The following SBF2 variants were observed in gnomAD, a reference collection of about 807,000 sequenced individuals.
SBF2 encodes SET binding factor 2.
A neutral mutation model predicts 225.2 loss-of-function variants in SBF2; 112 were observed. The observed-to-expected ratio is 0.50, with a 90% CI of 0.43 to 0.58. SBF2 has a LOEUF of 0.58. Among genes scored for constraint, SBF2 ranks in the 20% least tolerant of loss-of-function variants. The pLI is 0.00. For missense variants in SBF2, 1,996 were observed against 2,206.2 expected (o/e 0.90, Z 1.91); for synonymous variants, 763 against 773.3 (o/e 0.99, Z 0.22).
intron 1 of SBF2, among the ~76,000 whole-genome samples, chr11:10,202,886 A>G (rs193078166): frequency 1.1e-3 from 168 of 152,328 alleles, no homozygotes; most frequent in African/African-American, 3.8e-3. Context: ...TACAACAACT[A>G]AAAAAACAAA....
chr11:10,108,107 T>A lies in SBF2; in HGVS notation c.142-65126A>T, dbSNP rs1250984090. On this transcript the variant is annotated intron_variant, in intron 2 of 39. Transcript: ENST00000256190. The stretch of plus-strand genomic sequence containing the variant: ...GTGACAAGAATATGATAATTTCTCA[T>A]GCCTGAGTCTCCGGATACAGCCATC... 7.2e-5 allele frequency among the ~76,000 whole-genome samples: 11 copies of A among 152,346 alleles called. No individual in the cohort carries two copies. The South Asian group carries it at 1.4e-3, about 20-fold the overall frequency.
chr11:9,893,177 C>G (rs1001499643), intron 17 of SBF2, among the ~76,000 whole-genome samples: 1 of 152,158 alleles, frequency 6.6e-6, no homozygotes, highest in African/African-American at 2.4e-5. Flanking sequence ...ACTGGCTGGA[C>G]AGTATGAGGA....
chr11:9,784,305 G>T, intron 38 of SBF2, 46 bp downstream of exon 38: 1 of 1,380,676 alleles, frequency 7.2e-7, no homozygotes, highest in Non-Finnish European at 1.0e-6. Flanking sequence ...CAGGGACTGG[G>T]ACTAGCCTAG....
In SBF2 at chr11:9,834,479, C is replaced by A. The variant is rs183771445; in HGVS notation, c.3456-2059G>T. Among the ~76,000 whole-genome samples the A allele has an allele frequency of 1.8e-4, 28 of 152,304 alleles. No homozygotes were observed. In the East Asian group the frequency reaches 5.2e-3, roughly 28 times the overall value. On this transcript the variant is annotated intron_variant, in intron 26 of 39. Transcript: ENST00000256190. Reference sequence around the variant, plus strand: ...TTCTTATCCCTTATCTTGATAAGAACCAGTGCTGACAGGAGGGAAAGGAAA... The same window carrying A: ...TTCTTATCCCTTATCTTGATAAGAAACAGTGCTGACAGGAGGGAAAGGAAA...
chr11:10,059,270 C>T (rs1950351634), intron 2 of SBF2, among the ~76,000 whole-genome samples: 1 of 152,128 alleles, frequency 6.6e-6, no homozygotes, highest in Non-Finnish European at 1.5e-5. Context: ...CTTCAAGAGA[C>T]CCATCTCATG....
At chr11:10,152,130 A>G (rs1033795711) in intron 2 of SBF2, among the ~76,000 whole-genome samples, 1 of 152,244 alleles carries the variant, frequency 6.6e-6, no homozygotes, top group African/African-American at 2.4e-5. Flanking sequence ...GACTTGTAAA[A>G]GACATCCTTA....
At chr11:10,068,526 C>T (rs1203055256) in intron 2 of SBF2, among the ~76,000 whole-genome samples, 1 of 152,178 alleles carries the variant, frequency 6.6e-6, no homozygotes, top group East Asian at 1.9e-4. Context: ...TTCAGACTTG[C>T]TATTTACTTA....
chr11:10,065,519 G>GA (rs1029512108), intron 2 of SBF2, among the ~76,000 whole-genome samples: 1 of 151,940 alleles, frequency 6.6e-6, no homozygotes, highest in Non-Finnish European at 1.5e-5. Flanking sequence ...CACACACAGA[G>GA]AAAAAAATGT....
At chr11:10,247,735 G>C (rs1959950721) in intron 1 of SBF2, among the ~76,000 whole-genome samples, 1 of 151,886 alleles carries the variant, frequency 6.6e-6, no homozygotes, top group Non-Finnish European at 1.5e-5. Flanking sequence ...AATCAAAATA[G>C]GAGGCAAAGC....
Position 9,842,634 on chromosome 11 carries a change from C to G in SBF2, c.3247G>C (p.Asp1083His), listed in dbSNP as rs1856243456. ...TCAAGTTTTCACATACCAGATACAT[C>G]ATCATCTTCATTCCATCCAGGACGA... is the stretch of plus-strand genomic sequence containing the variant. ...VNRPGWNEDD[D>H]VSVSDESELP... Residue 1083 changes from aspartate to histidine, a missense_variant, in exon 25 of 40, where the codon GAT becomes CAT. Physicochemically the swap from Asp to His is moderately conservative, Grantham distance 81. Transcript: ENST00000256190. 1 of 1,613,994 alleles carries G rather than the reference C, an allele frequency of 6.2e-7. No homozygotes were observed. The highest frequency in any genetic ancestry group is 8.5e-7 in the Non-Finnish European group (1 of 1,179,942).
At chr11:9,861,481 T>C (rs1857734485) in intron 17 of SBF2, among the ~76,000 whole-genome samples, 3 of 152,212 alleles carry the variant, frequency 2.0e-5, no homozygotes, top group South Asian at 4.1e-4. Context: ...CTGGCCAATA[T>C]GGTGAAACCC....
Position 9,779,330 on chromosome 11 carries a change from A to AT in SBF2, c.*1087dup, listed in dbSNP as rs1851884251. On this transcript the variant is annotated 3_prime_UTR_variant, in exon 40 of 40. Transcript: ENST00000256190. The stretch of plus-strand genomic sequence containing the variant: ...AACAAATGCAATGATCTAGCTACCT[A>AT]TGACGCCAGCTGGTGTCAGTGGTTG... The AT allele has an allele frequency of 6.5e-6, 1 of 152,674 alleles. No individual in the cohort carries two copies. The highest frequency in any genetic ancestry group is 6.5e-5 in the Admixed American group (1 of 15,288). 9.5% of individuals were successfully genotyped at this position (152,674 alleles called of 1,614,324 possible). A position where few individuals can be genotyped will look rare whatever the true frequency, so the allele number is the denominator to read the frequency against.
At chr11:10,156,550 T>C (rs1401655370) in intron 2 of SBF2, among the ~76,000 whole-genome samples, 2 of 152,096 alleles carry the variant, frequency 1.3e-5, no homozygotes, top group Non-Finnish European at 2.9e-5. Flanking sequence ...GGGCTCAGAG[T>C]GAGAACTTCA....
chr11:10,110,084 T>G (rs2135007508), intron 2 of SBF2, among the ~76,000 whole-genome samples: 1 of 152,360 alleles, frequency 6.6e-6, no homozygotes, highest in Middle Eastern at 3.4e-3. Flanking sequence ...TGTGGATTTA[T>G]TCGTCCAGAT....
At chr11:10,275,622 T>A (rs1344048960) in intron 1 of SBF2, among the ~76,000 whole-genome samples, 2,009 of 137,806 alleles carry the variant, frequency 0.015, 20 homozygotes, top group Non-Finnish European at 0.022. Flanking sequence ...TTCATTAATT[T>A]AAAAAAAAAA....
chr11:10,014,359 G>C (rs899448533), intron 6 of SBF2, among the ~76,000 whole-genome samples: 4 of 151,888 alleles, frequency 2.6e-5, no homozygotes, highest in Non-Finnish European at 5.9e-5. Context: ...CATCCCCACA[G>C]GGTATCCCTC....
intron 6 of SBF2, among the ~76,000 whole-genome samples, chr11:10,027,722 T>C (rs1949101367): frequency 6.6e-6 from 1 of 152,174 alleles, no homozygotes; most frequent in Non-Finnish European, 1.5e-5. Context: ...TCTTAAATAA[T>C]GTAAAAGCTG....
intron 2 of SBF2, among the ~76,000 whole-genome samples, chr11:10,060,965 T>C (rs908118479): frequency 1.3e-5 from 2 of 151,916 alleles, no homozygotes; most frequent in African/African-American, 2.4e-5. Context: ...AAGGTGGAGC[T>C]TGCAGTAGGC....
intron 32 of SBF2, among the ~76,000 whole-genome samples, chr11:9,799,773 C>G (rs558587119): frequency 6.6e-6 from 1 of 152,166 alleles, no homozygotes; most frequent in South Asian, 2.1e-4. Flanking sequence ...GTCCTGCACC[C>G]CAGTGACTCA....
Sources: allele counts gnomAD v4.1 joint callset (sites outside exome capture counted in the v4.1 genomes callset), GRCh38; gene constraint gnomAD v4.1.1; transcripts MANE v1.5; gene names NCBI Gene and HGNC (gene_info 2026-07-23, HGNC 2026-07-21).